The following CIMIP2A variants were observed in gnomAD, a reference collection of about 807,000 sequenced individuals.
The protein encoded by CIMIP2A is ciliary microtubule inner protein 2A.
chr9:137,252,556 G>C, the CIMIP2A span: 1 of 1,472,658 alleles, frequency 6.8e-7, no homozygotes, highest in Non-Finnish European at 9.3e-7. Flanking sequence ...GGGGCGGGGA[G>C]TCCACGCAGG....
chr9:137,245,073 C>G, the CIMIP2A span: 1 of 1,610,878 alleles, frequency 6.2e-7, no homozygotes, highest in African/African-American at 1.3e-5. Context: ...CCAGCCCAGC[C>G]CAGGCCCACA....
chr9:137,251,204 C>T, the CIMIP2A span: 90 of 1,001,266 alleles, frequency 9.0e-5, no homozygotes, highest in Middle Eastern at 4.3e-4. Flanking sequence ...GTGTCTTCCT[C>T]AGGAGTCCCA....
the CIMIP2A span, chr9:137,244,798 ACCTGCCCTCAG>A: frequency 6.9e-6 from 11 of 1,588,048 alleles, no homozygotes; most frequent in African/African-American, 1.5e-4. Flanking sequence ...GGGCACACCC[ACCTGCCCTCAG>A]ACGTGTCAGG....
the CIMIP2A span, chr9:137,251,393 C>T: frequency 6.2e-6 from 10 of 1,609,164 alleles, no homozygotes; most frequent in South Asian, 7.7e-5. Context: ...CCAGAGCCCA[C>T]CCAGTAACTG....
chr9:137,252,257 C>T, the CIMIP2A span: 12 of 1,412,992 alleles, frequency 8.5e-6, no homozygotes, highest in African/African-American at 8.5e-5. Flanking sequence ...CCTGCGTTCA[C>T]CTCTAGGCTC....
At chr9:137,251,791 A>T in the CIMIP2A span, 1 of 1,595,084 alleles carries the variant, frequency 6.3e-7, no homozygotes, top group Non-Finnish European at 8.5e-7. Flanking sequence ...GCCTGGGATG[A>T]GACACAGCCC....
At chr9:137,243,742 C>G in the CIMIP2A span, 2 of 1,614,112 alleles carry the variant, frequency 1.2e-6, no homozygotes, top group Non-Finnish European at 1.7e-6. Context: ...TCCAGTAGGC[C>G]CTCCGGGTGC....
chr9:137,251,160 G>A, the CIMIP2A span: 80 of 757,990 alleles, frequency 1.1e-4, no homozygotes, highest in South Asian at 7.2e-4. Context: ...ACCAGGGGTC[G>A]GGGCCCGGGG....
chr9:137,251,063 G>T, the CIMIP2A span: 2 of 557,180 alleles, frequency 3.6e-6, no homozygotes, highest in South Asian at 4.0e-5. Flanking sequence ...CGGGGAGGGA[G>T]AGGGCTGGGC....
At chr9:137,243,610 C>T in the CIMIP2A span, 12 of 1,613,226 alleles carry the variant, frequency 7.4e-6, no homozygotes, top group African/African-American at 4.0e-5. Context: ...TTATTCACTC[C>T]CAGCCTGTCC....
chr9:137,245,854 C>T, the CIMIP2A span: 2 of 1,503,776 alleles, frequency 1.3e-6, no homozygotes, highest in Non-Finnish European at 8.9e-7. Context: ...GCCGGCATAG[C>T]TGTGGAGGGA....
At chr9:137,244,815 T>C in the CIMIP2A span, 1 of 1,579,670 alleles carries the variant, frequency 6.3e-7, no homozygotes, top group Admixed American at 1.9e-5. Flanking sequence ...CTCAGACGTG[T>C]CAGGGAAGCC....
chr9:137,254,796 T>G, the CIMIP2A span, among the ~76,000 whole-genome samples: 103,531 of 151,888 alleles, frequency 0.68, 35,862 homozygotes, highest in Admixed American at 0.77. Context: ...TCCCGGTGCC[T>G]GGGAGGGCGG....
chr9:137,245,043 G>T, the CIMIP2A span: 9 of 1,609,354 alleles, frequency 5.6e-6, no homozygotes, highest in Admixed American at 5.1e-5. Context: ...CAAGAACCTT[G>T]TGGGGAGGGG....
chr9:137,253,238 C>T, the CIMIP2A span: 245 of 1,606,804 alleles, frequency 1.5e-4, no homozygotes, highest in African/African-American at 2.5e-3. Context: ...CCCTTCTGCA[C>T]GCTCTAGAGC....
the CIMIP2A span, chr9:137,245,734 A>G: frequency 1.0e-5 from 16 of 1,601,594 alleles, no homozygotes; most frequent in South Asian, 1.3e-4. Flanking sequence ...GGGTTTGGAC[A>G]TGGGGGACAG....
At chr9:137,244,935 G>C in the CIMIP2A span, 1 of 1,600,554 alleles carries the variant, frequency 6.2e-7, no homozygotes, top group Admixed American at 1.7e-5. Flanking sequence ...GCTCCTGGAA[G>C]CAGCTGGGAG....
chr9:137,252,805 G>A, the CIMIP2A span: 2 of 1,564,750 alleles, frequency 1.3e-6, no homozygotes, highest in Non-Finnish European at 1.7e-6. Flanking sequence ...GCCTCAGGGT[G>A]CAGCCCCAGT....
the CIMIP2A span, chr9:137,245,108 G>C: frequency 2.4e-3 from 3,850 of 1,608,974 alleles, 77 homozygotes; most frequent in East Asian, 0.043. Flanking sequence ...CCTTGCGTTG[G>C]ATTAGGTTAG....
Sources: allele counts gnomAD v4.1 joint callset (sites outside exome capture counted in the v4.1 genomes callset), GRCh38; gene constraint gnomAD v4.1.1; transcripts MANE v1.5; gene names NCBI Gene and HGNC (gene_info 2026-07-23, HGNC 2026-07-21).